The following UBE4B variants were observed in gnomAD, a reference collection of about 807,000 sequenced individuals.
UBE4B encodes the protein ubiquitin conjugation factor E4 B.
UBE4B carries 27 observed loss-of-function variants against 148.1 expected under a neutral mutation model. That is an observed-to-expected ratio of 0.18 (90% confidence interval 0.13 to 0.25). The LOEUF (loss-of-function observed/expected upper bound fraction) is 0.25, where lower values mean the gene tolerates loss of function less well. Among genes scored for constraint, UBE4B ranks in the 10% least tolerant of loss-of-function variants. UBE4B has a pLI of 1.00. For missense variants in UBE4B, 1,170 were observed against 1,662.4 expected (o/e 0.70, Z 5.15); for synonymous variants, 596 against 619.3 (o/e 0.96, Z 0.56).
chr1:10,056,449 G>A (rs559797439), intron 1 of UBE4B, among the ~76,000 whole-genome samples: 1 of 152,330 alleles, frequency 6.6e-6, no homozygotes, highest in South Asian at 2.1e-4. Flanking sequence ...CTCTCTGGGA[G>A]TTAGGTACTG....
intron 2 of UBE4B, among the ~76,000 whole-genome samples, chr1:10,088,148 C>T (rs1057285762): frequency 2.0e-5 from 3 of 152,080 alleles, no homozygotes; most frequent in Non-Finnish European, 2.9e-5. Context: ...CTGCCCCAGC[C>T]CTAGAAATCA....
At chr1:10,082,707 G>C (rs537892251) in intron 2 of UBE4B, among the ~76,000 whole-genome samples, 1 of 145,514 alleles carries the variant, frequency 6.9e-6, no homozygotes, top group South Asian at 2.2e-4. Context: ...TGTTACATAG[G>C]TACACATGTG....
Position 10,175,330 on chromosome 1 carries a change from GA to G in UBE4B, c.3526-3306del, listed in dbSNP as rs985929110. Among the ~76,000 whole-genome samples, 10 of 151,696 alleles carry G rather than the reference GA, an allele frequency of 6.6e-5. 1 individual carries two copies. The South Asian group carries it at 8.3e-4, about 13-fold the overall frequency. ...GTTAACACCATTTTCCATTAAAAAAGAAAAAAAATTCAGCACCTACTTAGAA... is the reference window on the plus strand; with the variant it reads ...GTTAACACCATTTTCCATTAAAAAAGAAAAAAATTCAGCACCTACTTAGAA... On this transcript the variant is annotated intron_variant, in intron 25 of 27. Coordinates refer to ENST00000343090, the MANE Select transcript of UBE4B (RefSeq NM_001105562.3).
At position 10,106,260 on chromosome 1, in the gene UBE4B, G is replaced by A. The variant is rs757023430; in HGVS notation, c.873G>A (p.Pro291=). The change falls in exon 7 of 28, where the codon CCG becomes CCA. Residue 291 remains proline (P), a synonymous_variant. Coordinates refer to ENST00000343090, the MANE Select transcript of UBE4B (RefSeq NM_001105562.3). This position sits in a 1 kb window ranked among gnomAD's most constrained non-coding sequence, Gnocchi z 4.2. The part of the protein sequence containing the change: ...SFWSSVPVMG[P]SLASPSRAAS... ...GGAGCTCTGTTCCCGTGATGGGCCC[G>A]TCTCTTGCCTCACCTTCCCGTGCAG... 1.2e-5 allele frequency: 19 copies of A among 1,613,816 alleles called. No individual in the cohort carries two copies. Among genetic ancestry groups the A allele is most frequent in the East Asian group, 6.7e-5 (3 of 44,888 alleles).
intron 17 of UBE4B, among the ~76,000 whole-genome samples, chr1:10,141,377 G>T (rs1645779485): frequency 6.6e-6 from 1 of 152,090 alleles, no homozygotes; most frequent in African/African-American, 2.4e-5. Flanking sequence ...GGAAGCAGAG[G>T]TTGGAGTGGT....
intron 25 of UBE4B, among the ~76,000 whole-genome samples, chr1:10,177,267 C>T (rs1319103202): frequency 6.6e-6 from 1 of 151,928 alleles, no homozygotes; most frequent in African/African-American, 2.4e-5. Flanking sequence ...CGCCTGTAAT[C>T]CCACCACTTT....
intron 15 of UBE4B, among the ~76,000 whole-genome samples, chr1:10,133,322 C>A (rs1032707146): frequency 1.5e-4 from 23 of 152,196 alleles, no homozygotes; most frequent in Admixed American, 1.5e-3. Flanking sequence ...ACTGCGGGAC[C>A]TTAGACAGTG....
At chr1:10,044,431 G>C (rs1643874706) in intron 1 of UBE4B, among the ~76,000 whole-genome samples, 1 of 152,120 alleles carries the variant, frequency 6.6e-6, no homozygotes, top group South Asian at 2.1e-4. Context: ...ACCAGGGACT[G>C]GTTTCGTAGA....
chr1:10,138,249 C>G (rs939403527), intron 17 of UBE4B, among the ~76,000 whole-genome samples: 12 of 151,908 alleles, frequency 7.9e-5, no homozygotes, highest in Non-Finnish European at 8.8e-5. Context: ...AGGCGCCCAC[C>G]ACCACACCCA....
intron 5 of UBE4B, 56 bp downstream of exon 5, chr1:10,103,148 T>C (rs937685251): frequency 5.3e-6 from 8 of 1,503,102 alleles, no homozygotes; most frequent in Non-Finnish European, 7.2e-6. Context: ...AAATAAGATG[T>C]GAGATCTTTG....
At chr1:10,133,774 G>T (rs1645633909) in intron 15 of UBE4B, among the ~76,000 whole-genome samples, 1 of 152,108 alleles carries the variant, frequency 6.6e-6, no homozygotes, top group Non-Finnish European at 1.5e-5. Flanking sequence ...ATCTGGGCAT[G>T]GTGGCTGGTG....
intron 10 of UBE4B, among the ~76,000 whole-genome samples, chr1:10,126,253 CTG>C (rs1453747945): frequency 6.6e-6 from 1 of 152,052 alleles, no homozygotes; most frequent in African/African-American, 2.4e-5. Context: ...TGAGCCAAGA[CTG>C]TGCCATTGCA....
rs1051537486 is a variant in UBE4B at position 10,163,074 on chromosome 1, A to G, written c.3198+1788A>G. ...ATTTGTTTTTTATTATTATTAATAAATAAAGACAGAGTGTTGATCTGTCGC... is the reference window on the plus strand; with the variant it reads ...ATTTGTTTTTTATTATTATTAATAAGTAAAGACAGAGTGTTGATCTGTCGC... On this transcript the variant is annotated intron_variant, in intron 23 of 27. Transcript: ENST00000343090. 5.9e-5 allele frequency among the ~76,000 whole-genome samples: 9 copies of G among 152,178 alleles called. No homozygotes were observed. The East Asian group carries it at 1.5e-3, about 26-fold the overall frequency.
chr1:10,068,542 G>C (rs1301685102), intron 1 of UBE4B, among the ~76,000 whole-genome samples: 1 of 151,686 alleles, frequency 6.6e-6, no homozygotes, highest in Non-Finnish European at 1.5e-5. Context: ...GTAGAGATGG[G>C]GTTTCCCCGT....
intron 2 of UBE4B, among the ~76,000 whole-genome samples, chr1:10,081,716 G>A (rs1644684846): frequency 6.6e-6 from 1 of 152,152 alleles, no homozygotes; most frequent in African/African-American, 2.4e-5. Context: ...AGCCTCCCAA[G>A]TAGCTGGGAT....
At chr1:10,034,986 T>A (rs1040823476) in intron 1 of UBE4B, among the ~76,000 whole-genome samples, 2 of 148,066 alleles carry the variant, frequency 1.4e-5, no homozygotes, top group Non-Finnish European at 3.1e-5. Context: ...CTTTATTTTA[T>A]GTGGGTTTTT....
chr1:10,146,945 A>G lies in UBE4B; in HGVS notation c.2464-18A>G. 6.2e-7 allele frequency: 1 copy of G among 1,613,038 alleles called. No individual in the cohort carries two copies. Among genetic ancestry groups the G allele is most frequent in the Middle Eastern group, 1.7e-4 (1 of 6,058 alleles). ...GCTACTGACTGATCTTTGGGTGGGGACATCCCTGCTTCCACAGAAACTGGT... is the reference window on the plus strand; with the variant it reads ...GCTACTGACTGATCTTTGGGTGGGGGCATCCCTGCTTCCACAGAAACTGGT... On this transcript the variant is annotated intron_variant, in intron 18 of 27. Coordinates refer to ENST00000343090, the MANE Select transcript of UBE4B (RefSeq NM_001105562.3).
At chr1:10,119,423 G>A (rs996975197) in intron 8 of UBE4B, 90 bp from the exon 9 acceptor site, 20 of 1,290,444 alleles carry the variant, frequency 1.5e-5, no homozygotes, top group Non-Finnish European at 2.0e-5. Flanking sequence ...GCTGTTTACT[G>A]ATGGTCCATC....
chr1:10,106,913 T>C lies in UBE4B; in HGVS notation c.1196+330T>C, dbSNP rs1427821593. Among the ~76,000 whole-genome samples, 1 of 152,078 alleles carries C rather than the reference T, an allele frequency of 6.6e-6. No homozygotes were observed. Among genetic ancestry groups the C allele is most frequent in the Admixed American group, 6.6e-5 (1 of 15,256 alleles). ...CAGACCAAGCAGGTGTGGGAGCAAA[T>C]CTGGGCCTGGTGTTTTTTACTTCTG... On this transcript the variant is annotated intron_variant, in intron 7 of 27. Transcript: ENST00000343090. This position sits in a 1 kb window ranked among gnomAD's most constrained non-coding sequence, Gnocchi z 4.2.
Sources: gnomAD v4.1 joint callset for allele counts (sites outside exome capture counted in the v4.1 genomes callset) on GRCh38, gnomAD v4.1.1 for gene constraint, Gnocchi (gnomAD v3.1) non-coding constraint, MANE v1.5 for transcripts, NCBI Gene and HGNC (gene_info 2026-07-23, HGNC 2026-07-21) for gene names.